Variants in USH2A observed in about 807,000 individuals in gnomAD.
USH2A encodes Usher syndrome 2A (autosomal recessive, mild).
Under a neutral mutation model 538.9 loss-of-function variants are expected in USH2A, and 443 were observed. The observed-to-expected ratio is 0.82, with a 90% confidence interval of 0.76 to 0.89. The LOEUF (loss-of-function observed/expected upper bound fraction) is 0.89. Ranked by LOEUF, USH2A falls within the 40% of genes least tolerant of loss-of-function variation. USH2A has a pLI of 0.00. For missense variants in USH2A, 6,633 were observed against 6,324.8 expected, an observed-to-expected ratio of 1.05 and a Z score of -1.65; for synonymous variants, 2,413 against 2,273.5, an observed-to-expected ratio of 1.06 and a Z score of -1.75.
intron 21 of USH2A, among the ~76,000 whole-genome samples, chr1:216,101,275 T>A (rs1281372601): frequency 6.6e-6 from 1 of 152,230 alleles, no homozygotes; most frequent in Admixed American, 6.5e-5. Context: ...AACATAATAT[T>A]TTGATTAACA....
rs763976467 is a variant in USH2A at position 216,046,553 on chromosome 1, G to C, written c.6203C>G (p.Pro2068Arg). Residue 2068 changes from proline to arginine, a missense_variant, in exon 32 of 72, where the codon CCC (proline) becomes CGC (arginine). Physicochemically the swap from Pro to Arg is moderately radical, Grantham distance 103. Coordinates refer to ENST00000307340, the MANE Select transcript of USH2A (RefSeq NM_206933.4). ...GTTCCAGGAGAGCAGCAAAGAACTG[G>C]GAAGGGATTTGGCTACTGGTGGCTG... ...EVQPPVAKSL[P>R]SSLLLSWNPP... The C allele has an allele frequency of 1.2e-6, 2 of 1,613,826 alleles. No individual in the cohort carries two copies. The highest frequency in any genetic ancestry group is 8.5e-7 in the Non-Finnish European group (1 of 1,179,802).
intron 38 of USH2A, among the ~76,000 whole-genome samples, chr1:215,906,929 T>A (rs1665654127): frequency 6.6e-6 from 1 of 151,918 alleles, no homozygotes; most frequent in Non-Finnish European, 1.5e-5. Flanking sequence ...AACTTAAAAG[T>A]CACCAACTTT....
chr1:216,143,094 T>A (rs1171064538), intron 21 of USH2A, among the ~76,000 whole-genome samples: 1 of 152,192 alleles, frequency 6.6e-6, no homozygotes, highest in Non-Finnish European at 1.5e-5. Context: ...ATTTTTTTGT[T>A]GCTTTCTTTT....
intron 13 of USH2A, among the ~76,000 whole-genome samples, chr1:216,244,394 C>T (rs1178721536): frequency 1.3e-5 from 2 of 152,026 alleles, no homozygotes; most frequent in East Asian, 3.9e-4. Context: ...CAAAATAAAA[C>T]CCATTTTTGG....
At chr1:216,320,525 A>G (rs1384685550) in intron 9 of USH2A, among the ~76,000 whole-genome samples, 2 of 152,198 alleles carry the variant, frequency 1.3e-5, no homozygotes, top group Non-Finnish European at 2.9e-5. Context: ...ATTTTAGTAG[A>G]GGTGGACAAA....
chr1:215,678,575 C>T (rs1052771943), intron 62 of USH2A, among the ~76,000 whole-genome samples: 8 of 152,230 alleles, frequency 5.3e-5, no homozygotes, highest in Non-Finnish European at 1.0e-4. Context: ...CCTGAGCAGG[C>T]ATAATTACAT....
intron 19 of USH2A, among the ~76,000 whole-genome samples, chr1:216,190,956 G>C (rs1341097400): frequency 1.3e-5 from 2 of 151,962 alleles, no homozygotes; most frequent in African/African-American, 4.8e-5. Context: ...AGATCAAACA[G>C]TTACGTTATT....
intron 13 of USH2A, among the ~76,000 whole-genome samples, chr1:216,233,734 T>A (rs1365940244): frequency 6.6e-6 from 1 of 152,148 alleles, no homozygotes; most frequent in East Asian, 1.9e-4. Flanking sequence ...AAAAGTTTAT[T>A]CAAATTACTT....
chr1:216,324,466 G>C, intron 6 of USH2A, 114 bp from the exon 7 acceptor site: 1 of 1,019,334 alleles, frequency 9.8e-7, no homozygotes, highest in South Asian at 1.6e-5. Flanking sequence ...CATAATTATA[G>C]TTATCAAATA....
At chr1:216,217,685 C>T (rs2035369943) in intron 14 of USH2A, 135 bp from the exon 15 acceptor site, 1 of 997,982 alleles carries the variant, frequency 1.0e-6, no homozygotes, top group African/African-American at 1.6e-5. Context: ...AATGCTTGAG[C>T]TAAACAAACA....
intron 21 of USH2A, among the ~76,000 whole-genome samples, chr1:216,097,814 C>A (rs2032476725): frequency 6.6e-6 from 1 of 152,172 alleles, no homozygotes; most frequent in Non-Finnish European, 1.5e-5. Context: ...TAGAAATTTC[C>A]ACAGCTTAGG....
intron 9 of USH2A, among the ~76,000 whole-genome samples, chr1:216,301,032 G>A (rs1194803987): frequency 6.6e-6 from 1 of 151,586 alleles, no homozygotes; most frequent in Admixed American, 6.6e-5. Context: ...TTACAGGCGG[G>A]AGCCACCATG....
At chr1:216,174,521 T>G (rs2034334721) in intron 21 of USH2A, 5 of 985,320 alleles carry the variant, frequency 5.1e-6, no homozygotes, top group East Asian at 1.1e-4. Context: ...TTATTTAAGC[T>G]TTTGATAATA....
chr1:215,773,914 C>T (rs992262144), intron 55 of USH2A, among the ~76,000 whole-genome samples: 3 of 152,152 alleles, frequency 2.0e-5, no homozygotes, highest in African/African-American at 7.2e-5. Context: ...TTACAGACAT[C>T]TAAGGTACCT....
chr1:216,118,407 G>A (rs116109877), intron 21 of USH2A, among the ~76,000 whole-genome samples: 1,722 of 152,194 alleles, frequency 0.011, 35 homozygotes, highest in African/African-American at 0.04. Flanking sequence ...AGCAGCTTGA[G>A]CCATCTCAAG....
At chr1:215,950,078 T>A (rs557789783) in intron 37 of USH2A, among the ~76,000 whole-genome samples, 1 of 152,226 alleles carries the variant, frequency 6.6e-6, no homozygotes, top group Non-Finnish European at 1.5e-5. Context: ...TGTGAAATGA[T>A]GTAATTTTTT....
At position 215,799,140 on chromosome 1, in the gene USH2A, C is replaced by A. The variant is rs771742148; in HGVS notation, c.9740-15G>T. ...GCATACTTCACCTGTCAATTTAGGA[C>A]AATAATAATCATTACATCAGTTAAA... On this transcript the variant is annotated splice_polypyrimidine_tract_variant and intron_variant, in intron 49 of 71. Transcript: ENST00000307340. The A allele has an allele frequency of 3.1e-6, 5 of 1,608,038 alleles. No homozygotes were observed. In the Admixed American group the frequency reaches 5.1e-5, roughly 16 times the overall value.
chr1:216,151,607 C>T (rs1025516377), intron 21 of USH2A, among the ~76,000 whole-genome samples: 7 of 152,208 alleles, frequency 4.6e-5, no homozygotes, highest in African/African-American at 1.7e-4. Flanking sequence ...ATATCACAAA[C>T]TTTATCAGTC....
chr1:216,109,500 T>A (rs2032815893), intron 21 of USH2A, among the ~76,000 whole-genome samples: 1 of 152,208 alleles, frequency 6.6e-6, no homozygotes, highest in African/African-American at 2.4e-5. Flanking sequence ...CTTGACAGAC[T>A]CATAGAAAAA....
Sources: gnomAD v4.1 joint callset for allele counts (sites outside exome capture counted in the v4.1 genomes callset) on GRCh38, gnomAD v4.1.1 for gene constraint, MANE v1.5 for transcripts, NCBI Gene and HGNC (gene_info 2026-07-23, HGNC 2026-07-21) for gene names.